COPG2: variants seen among roughly 807,000 people sequenced by gnomAD.
COPG2 encodes the protein coatomer subunit gamma-2.
COPG2 carries 37 observed loss-of-function variants against 46.3 expected under a neutral mutation model. The ratio of observed to expected loss-of-function variants is 0.80; its 90% confidence interval spans 0.61 to 1.05. The LOEUF (loss-of-function observed/expected upper bound fraction) is 1.05, where lower values mean the gene tolerates loss of function less well. COPG2 is among the 50% of genes least tolerant of loss of function. The pLI is 0.00. For missense variants in COPG2, 427 were observed against 387.8 expected (o/e 1.10, Z -0.85); for synonymous variants, 159 against 129.7 (o/e 1.23, Z -1.53).
intron 20 of COPG2, among the ~76,000 whole-genome samples, chr7:130,522,816 C>A (rs1304704024): frequency 6.6e-6 from 1 of 151,910 alleles, no homozygotes; most frequent in Admixed American, 6.6e-5. Context: ...AAGGGGCATT[C>A]TGGCCCTTCA....
chr7:130,551,957 G>A (rs1481805400), intron 15 of COPG2, among the ~76,000 whole-genome samples: 8 of 152,118 alleles, frequency 5.3e-5, no homozygotes, highest in Admixed American at 1.3e-4. Flanking sequence ...TGAGGCAAAT[G>A]TATTTAAGTC....
At chr7:130,597,510 A>T (rs1385070108) in intron 9 of COPG2, among the ~76,000 whole-genome samples, 1 of 152,140 alleles carries the variant, frequency 6.6e-6, no homozygotes, top group Admixed American at 6.5e-5. Context: ...GCTTATGCTG[A>T]CACCTTGTTG....
chr7:130,529,282 G>C (rs987351502), intron 20 of COPG2, among the ~76,000 whole-genome samples: 1 of 152,152 alleles, frequency 6.6e-6, no homozygotes, highest in African/African-American at 2.4e-5. Flanking sequence ...TGGCAGAGGA[G>C]GGAGTGGATG....
chr7:130,575,766 A>G (rs887926753), intron 9 of COPG2, among the ~76,000 whole-genome samples: 1 of 152,246 alleles, frequency 6.6e-6, no homozygotes. Flanking sequence ...TAAATGCTCC[A>G]CTTAAAAGAT....
intron 20 of COPG2, among the ~76,000 whole-genome samples, chr7:130,523,740 C>T (rs1196672773): frequency 1.3e-5 from 2 of 151,714 alleles, no homozygotes; most frequent in Non-Finnish European, 1.5e-5. Flanking sequence ...GTGGGCTGTG[C>T]GGGTGAGAGC....
intron 9 of COPG2, among the ~76,000 whole-genome samples, chr7:130,594,650 A>C (rs1033290504): frequency 6.6e-6 from 1 of 152,248 alleles, no homozygotes; most frequent in Admixed American, 6.5e-5. Flanking sequence ...CAAAGAACTA[A>C]TACAATTCAA....
intron 9 of COPG2, among the ~76,000 whole-genome samples, chr7:130,585,124 G>T (rs1164704130): frequency 1.3e-5 from 2 of 151,980 alleles, no homozygotes; most frequent in African/African-American, 2.4e-5. Context: ...CAGGCACATA[G>T]GCCAATGTAA....
At chr7:130,606,429 T>C (rs7803211) in intron 9 of COPG2, among the ~76,000 whole-genome samples, 121,837 of 152,070 alleles carry the variant, frequency 0.8, 49,047 homozygotes, top group Non-Finnish European at 0.85. Context: ...CTACAGAAAT[T>C]TGGACTTAAA....
rs1491315858 is a variant in COPG2, at chr7:130,631,173, T to TTTTC, written c.324-14109_324-14108insGAAA. Among the ~76,000 whole-genome samples the TTTTC allele has an allele frequency of 1.5e-3, 4 of 2,636 alleles. No individual in the cohort carries two copies. In the East Asian group the frequency reaches 0.061, roughly 40 times the overall value. The allele number at this position is 2,636 out of a possible 152,430, so 1.7% of individuals were successfully genotyped here. A position where few individuals can be genotyped will look rare whatever the true frequency, so the allele number is the denominator to read the frequency against. On this transcript the variant is annotated intron_variant, in intron 5 of 23. Coordinates refer to ENST00000425248, the MANE Select transcript of COPG2 (RefSeq NM_012133.6). ...TTTGTTCCCTTTTCTTTTTCTTTTC[T>TTTTC]TTTTTTTTTTTTTTTTGAGATGGAG...
intron 11 of COPG2, among the ~76,000 whole-genome samples, 175 bp from the exon 12 acceptor site, chr7:130,561,396 A>G (rs2116401970): frequency 6.6e-6 from 1 of 152,354 alleles, no homozygotes; most frequent in South Asian, 2.1e-4. Context: ...TAAATGATCA[A>G]CGGCCAGAGT....
At position 130,569,002 on chromosome 7, in the gene COPG2, C is replaced by A. The variant is rs1003030733; in HGVS notation, c.738-4609G>T. 3.3e-5 allele frequency among the ~76,000 whole-genome samples: 5 copies of A among 152,174 alleles called. No homozygotes were observed. The East Asian group carries it at 9.6e-4, about 29-fold the overall frequency. ...AAATCAAGATGGAAATTAAAAAATT[C>A]TTTGAACTGAACAATAATAGTATAT... On this transcript the variant is annotated intron_variant, in intron 9 of 23. Transcript: ENST00000425248.
At chr7:130,523,740 C>A (rs1196672773) in intron 20 of COPG2, among the ~76,000 whole-genome samples, 12 of 151,716 alleles carry the variant, frequency 7.9e-5, no homozygotes, top group Non-Finnish European at 1.5e-4. Context: ...GTGGGCTGTG[C>A]GGGTGAGAGC....
At chr7:130,538,900 G>A (rs1046824161) in intron 20 of COPG2, among the ~76,000 whole-genome samples, 8 of 152,060 alleles carry the variant, frequency 5.3e-5, no homozygotes, top group South Asian at 2.1e-4. Context: ...AGTAGGAAGC[G>A]GGGGCCTTCA....
intron 14 of COPG2, among the ~76,000 whole-genome samples, chr7:130,554,069 A>T (rs903436658): frequency 4.5e-4 from 68 of 152,342 alleles, no homozygotes; most frequent in African/African-American, 1.5e-3. Context: ...GAAGGAAAGT[A>T]TAGAGTCAGT....
intron 9 of COPG2, among the ~76,000 whole-genome samples, chr7:130,570,256 G>C (rs1408488654): frequency 6.6e-6 from 1 of 152,092 alleles, no homozygotes; most frequent in Non-Finnish European, 1.5e-5. Context: ...TAAAGAGGAA[G>C]TTAAACTGTT....
rs187949569 is a variant in COPG2 at position 130,599,169 on chromosome 7, T to A, written c.737+11784A>T. ...CTCATCAACCCTTAAGAATAAGGGA[T>A]GGAAGTCTCTGAGGGGGATAAAATG... On this transcript the variant is annotated intron_variant, in intron 9 of 23. Transcript: ENST00000425248. Among the ~76,000 whole-genome samples the A allele has an allele frequency of 1.6e-3, 243 of 152,222 alleles. 2 individuals are homozygous for A. Among genetic ancestry groups the A allele is most frequent in the Non-Finnish European group, 4.6e-4 (31 of 68,006 alleles).
At chr7:130,529,720 A>G (rs1799805669) in intron 20 of COPG2, among the ~76,000 whole-genome samples, 1 of 152,188 alleles carries the variant, frequency 6.6e-6, no homozygotes, top group African/African-American at 2.4e-5. Flanking sequence ...GCACCTGCAT[A>G]AAAACCACAG....
chr7:130,551,181 A>C, intron 16 of COPG2, 60 bp downstream of exon 16: 1 of 397,956 alleles, frequency 2.5e-6, no homozygotes, highest in Non-Finnish European at 4.4e-6. Context: ...GCAAATCATA[A>C]AATATGCTTC....
chr7:130,625,501 T>G (rs1254258467), intron 5 of COPG2, among the ~76,000 whole-genome samples: 2 of 152,014 alleles, frequency 1.3e-5, no homozygotes, highest in Admixed American at 1.3e-4. Flanking sequence ...CCTCTAGTGT[T>G]TCCCCATTAA....
Sources: gnomAD v4.1 joint callset for allele counts (sites outside exome capture counted in the v4.1 genomes callset) on GRCh38, gnomAD v4.1.1 for gene constraint, MANE v1.5 for transcripts, NCBI Gene and HGNC (gene_info 2026-07-23, HGNC 2026-07-21) for gene names.